GAS7: variants seen among roughly 807,000 people sequenced by gnomAD.
The protein encoded by GAS7 is growth arrest specific 7.
Under a neutral mutation model 71.1 loss-of-function variants are expected in GAS7, and 28 were observed. That is an observed-to-expected ratio of 0.39 (90% confidence interval 0.29 to 0.54). GAS7 has a LOEUF of 0.54. Among genes scored for constraint, GAS7 ranks in the 20% least tolerant of loss-of-function variants. GAS7 has a pLI of 0.62. For synonymous variants in GAS7, 258 were observed against 245.8 expected (o/e 1.05, Z -0.46); for missense variants, 436 against 627.8 (o/e 0.69, Z 3.27).
intron 1 of GAS7, among the ~76,000 whole-genome samples, chr17:10,194,736 G>A (rs1473090387): frequency 6.6e-6 from 1 of 152,052 alleles, no homozygotes; most frequent in African/African-American, 2.4e-5. Flanking sequence ...CACTTTGGGA[G>A]GCCGAGGCGG....
chr17:9,925,124 G>A (rs1429090108), intron 11 of GAS7, among the ~76,000 whole-genome samples: 1 of 152,152 alleles, frequency 6.6e-6, no homozygotes, highest in African/African-American at 2.4e-5. Context: ...AGGGCCCTGA[G>A]CTCTCAGTGC....
chr17:9,950,780 C>T (rs778148150), intron 5 of GAS7, among the ~76,000 whole-genome samples: 1 of 151,606 alleles, frequency 6.6e-6, no homozygotes, highest in Non-Finnish European at 1.5e-5. Context: ...TGTTTGAACC[C>T]GGGAGGTGGA....
intron 1 of GAS7, among the ~76,000 whole-genome samples, chr17:10,064,163 C>T (rs2073253439): frequency 6.6e-6 from 1 of 152,214 alleles, no homozygotes; most frequent in African/African-American, 2.4e-5. Flanking sequence ...CCTACACCTT[C>T]TGGGGCCTCC....
intron 6 of GAS7, among the ~76,000 whole-genome samples, chr17:9,945,620 T>A (rs1286886228): frequency 6.6e-6 from 1 of 151,792 alleles, no homozygotes; most frequent in East Asian, 1.9e-4. Context: ...GTACAAGCGA[T>A]TTTGTAGAAA....
intron 2 of GAS7, among the ~76,000 whole-genome samples, chr17:10,013,558 A>C (rs2071867248): frequency 6.6e-6 from 1 of 152,336 alleles, no homozygotes; most frequent in Middle Eastern, 3.4e-3. Flanking sequence ...AGCCACAAGA[A>C]AGATGGGGAC....
rs771969204 is a variant in GAS7, at chr17:9,917,196, C to T, written c.*32G>A. The T allele has an allele frequency of 7.6e-7, 1 of 1,317,008 alleles. No individual in the cohort carries two copies. The highest frequency in any genetic ancestry group is 1.2e-5 in the South Asian group (1 of 85,362). 81.6% of individuals were successfully genotyped at this position (1,317,008 alleles called of 1,614,324 possible). A position where few individuals can be genotyped will look rare whatever the true frequency, so the allele number is the denominator to read the frequency against. On this transcript the variant is annotated 3_prime_UTR_variant, in exon 14 of 14. Coordinates refer to ENST00000432992, the MANE Select transcript of GAS7 (RefSeq NM_201433.2). Reference sequence around the variant, plus strand: ...ATGGTGGGAGCCCAGCCCCCCTCCCCAGCAGGACCCCCCGAAGCTGCACAG... The same window carrying T: ...ATGGTGGGAGCCCAGCCCCCCTCCCTAGCAGGACCCCCCGAAGCTGCACAG...
intron 1 of GAS7, among the ~76,000 whole-genome samples, chr17:10,059,471 G>A (rs919485095): frequency 1.3e-5 from 2 of 152,082 alleles, no homozygotes; most frequent in Non-Finnish European, 2.9e-5. Flanking sequence ...GTCATGGTGC[G>A]ACCCAGACTC....
intron 1 of GAS7, among the ~76,000 whole-genome samples, chr17:10,163,094 T>C (rs1217214449): frequency 6.6e-6 from 1 of 152,104 alleles, no homozygotes; most frequent in Non-Finnish European, 1.5e-5. Flanking sequence ...AGAAACCCTG[T>C]CTCTACAAAG....
chr17:10,099,557 C>G (rs2073678536), intron 1 of GAS7, among the ~76,000 whole-genome samples: 1 of 152,176 alleles, frequency 6.6e-6, no homozygotes, highest in Admixed American at 6.5e-5. Context: ...AATTTCTCCT[C>G]CAATGTACTT....
intron 1 of GAS7, among the ~76,000 whole-genome samples, chr17:10,164,314 C>T (rs1330566009): frequency 9.9e-5 from 15 of 151,808 alleles, no homozygotes; most frequent in East Asian, 9.7e-4. Flanking sequence ...TGGTGGTGCG[C>T]GCTTGTAGTC....
At chr17:10,125,154 A>T (rs190308680) in intron 1 of GAS7, among the ~76,000 whole-genome samples, 56 of 152,258 alleles carry the variant, frequency 3.7e-4, no homozygotes, top group African/African-American at 1.2e-3. Context: ...ATTGTGACTA[A>T]CAAACACTAA....
chr17:10,178,025 C>T (rs1029646285), intron 1 of GAS7, among the ~76,000 whole-genome samples: 16 of 152,026 alleles, frequency 1.1e-4, no homozygotes, highest in Non-Finnish European at 2.1e-4. Context: ...CATTTAGCAT[C>T]ACATAACACT....
intron 8 of GAS7, among the ~76,000 whole-genome samples, chr17:9,937,744 C>G (rs1310496413): frequency 6.6e-6 from 1 of 152,196 alleles, no homozygotes; most frequent in Non-Finnish European, 1.5e-5. Flanking sequence ...AACATCATGG[C>G]TCGCTGACGA....
intron 2 of GAS7, 78 bp downstream of exon 2, chr17:10,019,699 A>T: frequency 7.1e-7 from 1 of 1,404,428 alleles, no homozygotes. Context: ...GAGGCGAAGA[A>T]GGGAGAAAAA....
At chr17:10,012,846 T>C (rs2071829808) in intron 2 of GAS7, among the ~76,000 whole-genome samples, 1 of 151,944 alleles carries the variant, frequency 6.6e-6, no homozygotes, top group Non-Finnish European at 1.5e-5. Context: ...CTCACGCCTG[T>C]AATCCCAGCA....
intron 2 of GAS7, among the ~76,000 whole-genome samples, chr17:9,986,758 A>C (rs1291141459): frequency 1.3e-5 from 2 of 152,020 alleles, no homozygotes; most frequent in Non-Finnish European, 2.9e-5. Flanking sequence ...CTAACCTCCA[A>C]ATGGGCCCCA....
At chr17:9,933,231 C>T (rs146047843) in intron 9 of GAS7, among the ~76,000 whole-genome samples, 1 of 151,964 alleles carries the variant, frequency 6.6e-6, no homozygotes, top group African/African-American at 2.4e-5. Context: ...AAAGAAGGAC[C>T]CTTTACTTGT....
intron 2 of GAS7, among the ~76,000 whole-genome samples, chr17:10,004,810 G>A (rs2071403444): frequency 6.6e-6 from 1 of 152,146 alleles, no homozygotes. Flanking sequence ...AGGAGTTCAA[G>A]ACCAGCCTGA....
intron 1 of GAS7, among the ~76,000 whole-genome samples, chr17:10,160,160 C>A (rs1302802318): frequency 6.6e-6 from 1 of 152,136 alleles, no homozygotes; most frequent in African/African-American, 2.4e-5. Flanking sequence ...CCCACCTCAG[C>A]CTCCCAAGGT....
Sources: gnomAD v4.1 joint callset for allele counts (sites outside exome capture counted in the v4.1 genomes callset) on GRCh38, gnomAD v4.1.1 for gene constraint, MANE v1.5 for transcripts, NCBI Gene and HGNC (gene_info 2026-07-23, HGNC 2026-07-21) for gene names.